Variants in SMNDC1 observed in about 807,000 individuals in gnomAD.
SMNDC1 encodes survival of motor neuron-related-splicing factor 30.
Under a neutral mutation model 29.2 loss-of-function variants are expected in SMNDC1, and 5 were observed. The observed-to-expected ratio is 0.17, with a 90% CI of 0.09 to 0.36. The LOEUF is 0.36. Ranked by LOEUF, SMNDC1 falls within the 10% of genes least tolerant of loss-of-function variation. The pLI is 1.00. For missense variants in SMNDC1, 142 were observed against 268.5 expected, an observed-to-expected ratio of 0.53 and a Z score of 3.29; for synonymous variants, 80 against 89.9, an observed-to-expected ratio of 0.89 and a Z score of 0.62.
intron 2 of SMNDC1, among the ~76,000 whole-genome samples, chr10:110,299,847 G>GA (rs1326296087): frequency 6.6e-6 from 1 of 152,040 alleles, no homozygotes; most frequent in African/African-American, 2.4e-5. Context: ...GGCTATTTCT[G>GA]AAAAAACTAA....
At position 110,290,957 on chromosome 10, in the gene SMNDC1, T is replaced by C. The variant is rs1036142386; in HGVS notation, c.*3193A>G. 6.6e-6 allele frequency: 1 copy of C among 152,284 alleles called. No homozygotes were observed. The highest frequency in any genetic ancestry group is 2.1e-4 in the South Asian group (1 of 4,820). 9.4% of individuals were successfully genotyped at this position (152,284 alleles called of 1,614,324 possible). A position where few individuals can be genotyped will look rare whatever the true frequency, so the allele number is the denominator to read the frequency against. On this transcript the variant is annotated 3_prime_UTR_variant, in exon 6 of 6. Transcript: ENST00000369603. ...CTTTATGTTAACCTGATGGTCTCCTTTGCTATTTTTAAGGCAGACATTTGG... is the reference window on the plus strand; with the variant it reads ...CTTTATGTTAACCTGATGGTCTCCTCTGCTATTTTTAAGGCAGACATTTGG...
At chr10:110,297,076 T>TA (rs1413968822) in intron 4 of SMNDC1, among the ~76,000 whole-genome samples, 4 of 152,162 alleles carry the variant, frequency 2.6e-5, no homozygotes, top group Non-Finnish European at 5.9e-5. Context: ...TACTTGGCTC[T>TA]TACTCTTTTC....
At position 110,291,022 on chromosome 10, in the gene SMNDC1, T is replaced by C. The variant is rs1014526958; in HGVS notation, c.*3128A>G. On this transcript the variant is annotated 3_prime_UTR_variant, in exon 6 of 6. Transcript: ENST00000369603. Reference sequence around the variant, plus strand: ...ACTGGAAACAGACACACACCCTTCATTGTGACAACAAGCAATTTTTTAAAA... The same window carrying C: ...ACTGGAAACAGACACACACCCTTCACTGTGACAACAAGCAATTTTTTAAAA... 3 of 152,228 alleles carry C rather than the reference T, an allele frequency of 2.0e-5. No individual in the cohort carries two copies. Among genetic ancestry groups the C allele is most frequent in the Admixed American group, 6.5e-5 (1 of 15,272 alleles). 9.4% of individuals were successfully genotyped at this position (152,228 alleles called of 1,614,324 possible).
At position 110,294,153 on chromosome 10, in the gene SMNDC1, T is replaced by C. The variant is rs760944990; in HGVS notation, c.714A>G (p.Gln238=). The C allele has an allele frequency of 2.1e-5, 34 of 1,582,534 alleles. No homozygotes were observed. Among genetic ancestry groups the C allele is most frequent in the Non-Finnish European group, 2.7e-5 (32 of 1,168,638 alleles). Residue 238 remains glutamine, a synonymous_variant, in exon 6 of 6, where the codon CAA becomes CAG. Transcript: ENST00000369603. ...SKYNVRHLMP[Q] is the part of the protein sequence containing the mutation. Reference sequence around the variant, plus strand: ...TGAAATCCAACAGTTTTTCTGATTATTGAGGCATCAAATGCCTGACATTGT... The same window carrying C: ...TGAAATCCAACAGTTTTTCTGATTACTGAGGCATCAAATGCCTGACATTGT...
chr10:110,297,090 T>C lies in SMNDC1; in HGVS notation c.425+477A>G, dbSNP rs140576109. 4.6e-5 allele frequency among the ~76,000 whole-genome samples: 7 copies of C among 152,342 alleles called. No individual in the cohort carries two copies. In the East Asian group the frequency reaches 1.3e-3, roughly 29 times the overall value. ...GTACTTGGCTCTTACTCTTTTCAAA[T>C]CTCAGTTTAGATGTCATTTTCTCAA... On this transcript the variant is annotated intron_variant, in intron 4 of 5. Coordinates refer to ENST00000369603, the MANE Select transcript of SMNDC1 (RefSeq NM_005871.4).
intron 4 of SMNDC1, among the ~76,000 whole-genome samples, chr10:110,295,639 T>TC (rs1857554028): frequency 2.3e-5 from 1 of 44,178 alleles, no homozygotes; most frequent in South Asian, 2.2e-3. Flanking sequence ...CAACTATGCC[T>TC]TTTTTTTTTT....
At position 110,291,311 on chromosome 10, in the gene SMNDC1, AC is replaced by A. The variant is rs956906650; in HGVS notation, c.*2838del. 4.6e-5 allele frequency: 7 copies of A among 151,874 alleles called. No individual in the cohort carries two copies. The highest frequency in any genetic ancestry group is 1.0e-4 in the Non-Finnish European group (7 of 67,982). 9.4% of individuals were successfully genotyped at this position (151,874 alleles called of 1,614,324 possible). A position where few individuals can be genotyped will look rare whatever the true frequency, so the allele number is the denominator to read the frequency against. ...AGGGGTGACTTTTATTATAACCTTC[AC>A]CCCCTTCCCATTAAGAAACATGCCC... On this transcript the variant is annotated 3_prime_UTR_variant, in exon 6 of 6. Transcript: ENST00000369603.
At chr10:110,299,230 C>A (rs981055626) in intron 2 of SMNDC1, among the ~76,000 whole-genome samples, 2 of 152,202 alleles carry the variant, frequency 1.3e-5, no homozygotes, top group African/African-American at 4.8e-5. Context: ...AATCCCAAAA[C>A]ACTTTAAGCA....
chr10:110,295,428 A>C, intron 4 of SMNDC1, 47 bp from the exon 5 acceptor site: 3 of 1,497,018 alleles, frequency 2.0e-6, no homozygotes, highest in Non-Finnish European at 2.7e-6. Flanking sequence ...TTATCATACA[A>C]GAATGACTTC....
chr10:110,295,869 T>C (rs959874848), intron 4 of SMNDC1, among the ~76,000 whole-genome samples: 1 of 152,236 alleles, frequency 6.6e-6, no homozygotes, highest in Non-Finnish European at 1.5e-5. Flanking sequence ...CTTTAACTCC[T>C]GGCCTCAAGT....
chr10:110,303,759 C>T (rs1857693876), intron 1 of SMNDC1, 172 bp from the exon 2 acceptor site: 2 of 552,788 alleles, frequency 3.6e-6, no homozygotes, highest in South Asian at 5.4e-5. Flanking sequence ...AGCTAAACCA[C>T]AAACTTAAAG....
Position 110,291,845 on chromosome 10 carries a change from T to C in SMNDC1, c.*2305A>G, listed in dbSNP as rs1291757567. 1.3e-5 allele frequency: 2 copies of C among 152,228 alleles called. No homozygotes were observed. Among genetic ancestry groups the C allele is most frequent in the Admixed American group, 6.5e-5 (1 of 15,280 alleles). 9.4% of individuals were successfully genotyped at this position (152,228 alleles called of 1,614,324 possible). A position where few individuals can be genotyped will look rare whatever the true frequency, so the allele number is the denominator to read the frequency against. On this transcript the variant is annotated 3_prime_UTR_variant, in exon 6 of 6. Transcript: ENST00000369603. The stretch of plus-strand genomic sequence containing the variant: ...CATTTTATTTTCGGGAGGTTAGGAC[T>C]GTTCTTTCCTTGAAATGGTAACAAC...
intron 3 of SMNDC1, 93 bp from the exon 4 acceptor site, chr10:110,297,821 C>T (rs1857588266): frequency 1.4e-5 from 15 of 1,105,782 alleles, no homozygotes; most frequent in Non-Finnish European, 1.9e-5. Flanking sequence ...TTACATGTGT[C>T]TATAATGAAA....
intron 2 of SMNDC1, among the ~76,000 whole-genome samples, chr10:110,300,111 G>A (rs1857623750): frequency 1.3e-5 from 2 of 152,116 alleles, no homozygotes; most frequent in Admixed American, 1.3e-4. Flanking sequence ...TTAGGGGTAG[G>A]AATGTAATCC....
chr10:110,303,998 G>A (rs919797944), intron 1 of SMNDC1: 1 of 156,566 alleles, frequency 6.4e-6, no homozygotes, highest in African/African-American at 2.4e-5. Flanking sequence ...TGCTTCCAAA[G>A]CCAAACAAGT....
At chr10:110,296,653 AGTTGCCTCTCCCTACT>A (rs1380530695) in intron 4 of SMNDC1, among the ~76,000 whole-genome samples, 1 of 152,206 alleles carries the variant, frequency 6.6e-6, no homozygotes. Context: ...TCACAGCAGT[AGTTGCCTCTCCCTACT>A]GACAGTGATC....
At chr10:110,298,191 GTTGGTCAGGCTGCT>G (rs1332565725) in intron 3 of SMNDC1, among the ~76,000 whole-genome samples, 1 of 151,984 alleles carries the variant, frequency 6.6e-6, no homozygotes, top group East Asian at 1.9e-4. Context: ...GTTTCACCAT[GTTGGTCAGGCTGCT>G]CTCCAACTCC....
intron 2 of SMNDC1, among the ~76,000 whole-genome samples, chr10:110,301,760 G>A (rs1246870228): frequency 6.6e-6 from 1 of 152,164 alleles, no homozygotes; most frequent in African/African-American, 2.4e-5. Context: ...ACAGAAAAAT[G>A]ATTTCCAGGT....
rs183164948 is a variant in SMNDC1, at chr10:110,293,279, G to C, written c.*871C>G. On this transcript the variant is annotated 3_prime_UTR_variant, in exon 6 of 6. Coordinates refer to ENST00000369603, the MANE Select transcript of SMNDC1 (RefSeq NM_005871.4). The stretch of plus-strand genomic sequence containing the variant: ...GAACATAATATACAGGGAAATTATC[G>C]TCAGATTAATGCACAAGAAATACAA... The C allele has an allele frequency of 6.6e-6, 1 of 152,428 alleles. No individual in the cohort carries two copies. The highest frequency in any genetic ancestry group is 2.4e-5 in the African/African-American group (1 of 41,372). The allele number at this position is 152,428 out of a possible 1,614,324, so 9.4% of individuals were successfully genotyped here.
Sources: gnomAD v4.1 joint callset for allele counts (sites outside exome capture counted in the v4.1 genomes callset) on GRCh38, gnomAD v4.1.1 for gene constraint, MANE v1.5 for transcripts, NCBI Gene and HGNC (gene_info 2026-07-23, HGNC 2026-07-21) for gene names.